The following CAMK2D variants were observed in gnomAD, a reference collection of about 807,000 sequenced individuals.
CAMK2D encodes calcium/calmodulin-dependent protein kinase type II subunit delta.
In CAMK2D, 37 loss-of-function variants were observed where a neutral mutation model predicts 84.0. The ratio of observed to expected loss-of-function variants is 0.44; its 90% confidence interval spans 0.34 to 0.58. The LOEUF is 0.58. CAMK2D is among the 20% of genes least tolerant of loss of function. CAMK2D has a pLI of 0.02. For synonymous variants in CAMK2D, 202 were observed against 212.5 expected (o/e 0.95, Z 0.43); for missense variants, 448 against 652.5 (o/e 0.69, Z 3.41).
intron 2 of CAMK2D, among the ~76,000 whole-genome samples, chr4:113,749,760 G>A (rs1242607256): frequency 6.6e-6 from 1 of 152,152 alleles, no homozygotes; most frequent in Non-Finnish European, 1.5e-5. Context: ...GAATTTGCAA[G>A]TAGTTGCTCA....
In CAMK2D at chr4:113,692,779, C is replaced by CTG. The variant is rs554140162; in HGVS notation, c.161-31009_161-31008dup. On this transcript the variant is annotated intron_variant, in intron 2 of 20. Coordinates refer to ENST00000511664, the MANE Select transcript of CAMK2D (RefSeq NM_001321571.2). ...ATACATACATATTCAGTGTATATATCTGTGTGTGTGTGTATCTATCTACCT... is the reference window on the plus strand; with the variant it reads ...ATACATACATATTCAGTGTATATATCTGTGTGTGTGTGTGTATCTATCTACCT... Among the ~76,000 whole-genome samples, 137 of 151,046 alleles carry CTG rather than the reference C, an allele frequency of 9.1e-4. No homozygotes were observed. The East Asian group carries it at 0.014, about 15-fold the overall frequency.
intron 2 of CAMK2D, chr4:113,754,877 T>C: frequency 1.0e-6 from 1 of 983,634 alleles, no homozygotes; most frequent in Non-Finnish European, 1.2e-6. Flanking sequence ...GTTGTGGAGA[T>C]TCTATGTACA....
At chr4:113,661,552 C>G (rs190276212) in intron 3 of CAMK2D, among the ~76,000 whole-genome samples, 161 bp downstream of exon 3, 1 of 152,050 alleles carries the variant, frequency 6.6e-6, no homozygotes, top group Admixed American at 6.5e-5. Flanking sequence ...ACAGCAAACA[C>G]AGGAAAACTT....
chr4:113,626,701 C>T (rs1421666993), intron 3 of CAMK2D, among the ~76,000 whole-genome samples: 1 of 152,170 alleles, frequency 6.6e-6, no homozygotes, highest in Admixed American at 6.5e-5. Flanking sequence ...TCTGGACCTC[C>T]ATTCCTTGCA....
chr4:113,593,355 T>G (rs2098902825), intron 4 of CAMK2D, among the ~76,000 whole-genome samples: 1 of 152,136 alleles, frequency 6.6e-6, no homozygotes, highest in South Asian at 2.1e-4. Context: ...TAAGACAGGT[T>G]AGGATAGAGT....
At chr4:113,699,442 G>A (rs1373741512) in intron 2 of CAMK2D, among the ~76,000 whole-genome samples, 1 of 152,082 alleles carries the variant, frequency 6.6e-6, no homozygotes, top group Admixed American at 6.6e-5. Context: ...TTTACTAAGA[G>A]GTCGGCTCTC....
chr4:113,474,607 C>A (rs545653584), intron 16 of CAMK2D, among the ~76,000 whole-genome samples: 1 of 139,544 alleles, frequency 7.2e-6, no homozygotes, highest in African/African-American at 2.6e-5. Flanking sequence ...TTAGTCAAAA[C>A]GGAGCATATA....
chr4:113,534,313 A>G (rs1168864329), intron 7 of CAMK2D, among the ~76,000 whole-genome samples: 1 of 152,188 alleles, frequency 6.6e-6, no homozygotes, highest in African/African-American at 2.4e-5. Flanking sequence ...ATTACCATGA[A>G]GATTCGCTTG....
intron 4 of CAMK2D, among the ~76,000 whole-genome samples, chr4:113,595,052 G>T (rs1344892268): frequency 1.3e-5 from 2 of 151,484 alleles, no homozygotes; most frequent in Non-Finnish European, 2.9e-5. Flanking sequence ...CAAAGAAAAA[G>T]AAAAAACAAA....
intron 4 of CAMK2D, among the ~76,000 whole-genome samples, chr4:113,556,962 T>C (rs1416219372): frequency 6.6e-6 from 1 of 152,134 alleles, no homozygotes; most frequent in Non-Finnish European, 1.5e-5. Context: ...GGAATGAAAC[T>C]ATAAGCACCA....
intron 4 of CAMK2D, among the ~76,000 whole-genome samples, chr4:113,569,461 T>C (rs2098741941): frequency 6.6e-6 from 1 of 152,246 alleles, no homozygotes; most frequent in Non-Finnish European, 1.5e-5. Flanking sequence ...TATCCAGTTT[T>C]GTTCTAATAA....
At chr4:113,676,925 T>C (rs2099320577) in intron 2 of CAMK2D, among the ~76,000 whole-genome samples, 1 of 152,228 alleles carries the variant, frequency 6.6e-6, no homozygotes, top group Non-Finnish European at 1.5e-5. Flanking sequence ...TTTGTAAAAG[T>C]TGTATTAAAT....
intron 2 of CAMK2D, among the ~76,000 whole-genome samples, chr4:113,692,030 G>A (rs79783355): frequency 0.014 from 2,101 of 152,284 alleles, 70 homozygotes; most frequent in East Asian, 0.13. Context: ...TTAAAATGCT[G>A]CTGAGGAAAC....
intron 2 of CAMK2D, among the ~76,000 whole-genome samples, chr4:113,744,273 A>G (rs2099599489): frequency 6.6e-6 from 1 of 152,182 alleles, no homozygotes; most frequent in African/African-American, 2.4e-5. Context: ...CTAGGTTCTG[A>G]GCATACGAAA....
chr4:113,486,992 G>A (rs764575497), intron 16 of CAMK2D, among the ~76,000 whole-genome samples: 14 of 152,120 alleles, frequency 9.2e-5, no homozygotes, highest in Non-Finnish European at 1.9e-4. Context: ...CATTACAGGT[G>A]TTCATAAAAT....
At chr4:113,555,401 A>G (rs1467501299) in intron 4 of CAMK2D, among the ~76,000 whole-genome samples, 2 of 152,132 alleles carry the variant, frequency 1.3e-5, no homozygotes, top group Non-Finnish European at 2.9e-5. Context: ...CTAAGGTAGG[A>G]CTGGGACTAA....
intron 17 of CAMK2D, among the ~76,000 whole-genome samples, 169 bp from the exon 18 acceptor site, chr4:113,460,410 C>T (rs1318994970): frequency 6.6e-6 from 1 of 152,010 alleles, no homozygotes; most frequent in Admixed American, 6.6e-5. Flanking sequence ...GAGGAGCAGA[C>T]TCTTAAAAAG....
chr4:113,746,989 T>C (rs1186357034), intron 2 of CAMK2D, among the ~76,000 whole-genome samples: 1 of 149,688 alleles, frequency 6.7e-6, no homozygotes, highest in Non-Finnish European at 1.5e-5. Flanking sequence ...TATATATATA[T>C]ATATACATTG....
At chr4:113,593,210 G>GT (rs2098901625) in intron 4 of CAMK2D, among the ~76,000 whole-genome samples, 1 of 152,166 alleles carries the variant, frequency 6.6e-6, no homozygotes, top group Non-Finnish European at 1.5e-5. Flanking sequence ...GGTATGGTGT[G>GT]TAAGGAGCTT....
Sources: gnomAD v4.1 joint callset for allele counts (sites outside exome capture counted in the v4.1 genomes callset) on GRCh38, gnomAD v4.1.1 for gene constraint, MANE v1.5 for transcripts, NCBI Gene and HGNC (gene_info 2026-07-23, HGNC 2026-07-21) for gene names.